The following TRIM33 variants were observed in gnomAD, a reference collection of about 807,000 sequenced individuals.
TRIM33 encodes E3 ubiquitin-protein ligase TRIM33.
In TRIM33, 20 loss-of-function variants were observed where a neutral mutation model predicts 125.4. The observed-to-expected ratio is 0.16, with a 90% CI of 0.11 to 0.23. The LOEUF is 0.23. Among genes scored for constraint, TRIM33 ranks in the 10% least tolerant of loss-of-function variants. The pLI, the probability that TRIM33 is intolerant of heterozygous loss-of-function variation, is 1.00. For synonymous variants in TRIM33, 564 were observed against 513.9 expected, an observed-to-expected ratio of 1.10 and a Z score of -1.32; for missense variants, 920 against 1,411.4, an observed-to-expected ratio of 0.65 and a Z score of 5.58.
intron 7 of TRIM33, among the ~76,000 whole-genome samples, 174 bp downstream of exon 7, chr1:114,427,574 T>A (rs1193496302): frequency 6.6e-6 from 1 of 152,172 alleles, no homozygotes; most frequent in African/African-American, 2.4e-5. Flanking sequence ...ATCAGATTAG[T>A]GGCTGCCTAG....
At chr1:114,414,037 A>AGG (rs1417870011) in intron 11 of TRIM33, among the ~76,000 whole-genome samples, 1 of 141,888 alleles carries the variant, frequency 7.0e-6, no homozygotes, top group African/African-American at 2.6e-5. Context: ...GCACACACAC[A>AGG]CACACACACA....
At chr1:114,400,997 G>A (rs1287679445) in intron 17 of TRIM33, among the ~76,000 whole-genome samples, 1 of 151,884 alleles carries the variant, frequency 6.6e-6, no homozygotes, top group African/African-American at 2.4e-5. Context: ...AGAAGGCTGA[G>A]GTGTAATACA....
intron 4 of TRIM33, among the ~76,000 whole-genome samples, chr1:114,441,877 G>A (rs904825508): frequency 2.0e-5 from 3 of 152,126 alleles, no homozygotes; most frequent in African/African-American, 7.2e-5. Context: ...ATTCTGCTGG[G>A]TAACTGACTC....
intron 4 of TRIM33, among the ~76,000 whole-genome samples, chr1:114,462,143 G>T (rs938135421): frequency 6.6e-6 from 1 of 152,034 alleles, no homozygotes; most frequent in Non-Finnish European, 1.5e-5. Context: ...ACTTAAAACC[G>T]TCATAATACT....
chr1:114,452,071 C>T (rs1433505613), intron 4 of TRIM33, among the ~76,000 whole-genome samples: 1 of 147,100 alleles, frequency 6.8e-6, no homozygotes, highest in Non-Finnish European at 1.5e-5. Context: ...AGGATCAGAA[C>T]ACTTCTAAAG....
chr1:114,480,476 TAAAAA>T lies in TRIM33; in HGVS notation c.527-16093_527-16089del, dbSNP rs61241613. On this transcript the variant is annotated intron_variant, in intron 1 of 19. Transcript: ENST00000358465. ...GAGAAACACCCAAGAATGATCAATTTAAAAAAAAAAAAAAAAAAAGAAGTGAAAAG... is the reference window on the plus strand; with the variant it reads ...GAGAAACACCCAAGAATGATCAATTTAAAAAAAAAAAAAAGAAGTGAAAAG... Among the ~76,000 whole-genome samples the T allele has an allele frequency of 9.0e-5, 7 of 77,872 alleles. No individual in the cohort carries two copies. In the East Asian group the frequency reaches 2.9e-3, roughly 33 times the overall value. 51.1% of individuals were successfully genotyped at this position (77,872 alleles called of 152,430 possible). A position where few individuals can be genotyped will look rare whatever the true frequency, so the allele number is the denominator to read the frequency against.
intron 11 of TRIM33, among the ~76,000 whole-genome samples, chr1:114,416,287 T>C (rs1201422713): frequency 6.6e-6 from 1 of 152,170 alleles, no homozygotes; most frequent in Non-Finnish European, 1.5e-5. Context: ...TAAAACTGAT[T>C]AATGAGATAC....
At chr1:114,398,936 A>AAAAAC (rs1347834522) in intron 18 of TRIM33, among the ~76,000 whole-genome samples, 17 of 151,026 alleles carry the variant, frequency 1.1e-4, no homozygotes, top group African/African-American at 4.1e-4. Flanking sequence ...CAAAACAAAA[A>AAAAAC]ACAAAAAACT....
In TRIM33 at chr1:114,405,505, A is replaced by G. The variant is rs114714476; in HGVS notation, c.2673T>C (p.Ala891=). The G allele has an allele frequency of 2.7e-5, 43 of 1,614,254 alleles. No individual in the cohort carries two copies. In the African/African-American group the frequency reaches 5.5e-4, roughly 21 times the overall value. The change falls in exon 15 of 20, where the codon GCT becomes GCC. Residue 891 remains alanine (A), a synonymous_variant. Transcript: ENST00000358465. The part of the protein sequence containing the change: ...KDDDPNEDWC[A]VCQNGGDLLC... ...AGAGATCTCCTCCGTTTTGGCAGAC[A>G]GCACACCAGTCTTCATTTGGGTCAT... is the stretch of plus-strand genomic sequence containing the variant.
At chr1:114,446,887 T>C (rs767826032) in intron 4 of TRIM33, among the ~76,000 whole-genome samples, 13 of 152,172 alleles carry the variant, frequency 8.5e-5, no homozygotes, top group Middle Eastern at 6.8e-3. Context: ...CAAGACCCCA[T>C]CTCTATAAAA....
intron 4 of TRIM33, among the ~76,000 whole-genome samples, chr1:114,448,953 A>G (rs1649154064): frequency 6.6e-6 from 1 of 152,180 alleles, no homozygotes; most frequent in African/African-American, 2.4e-5. Context: ...CAAAGACTAG[A>G]GTGTCTGAAG....
In TRIM33 at chr1:114,393,007, C is replaced by G. The variant is rs539718727; in HGVS notation, c.*4641G>C. On this transcript the variant is annotated 3_prime_UTR_variant, in exon 20 of 20. Transcript: ENST00000358465. ...GAACGAAACAATTAGAAACTGCAAC[C>G]TTGTTTTAAAAAATTAAATATGATT... 5 of 200,304 alleles carry G rather than the reference C, an allele frequency of 2.5e-5. No homozygotes were observed. Among genetic ancestry groups the G allele is most frequent in the African/African-American group, 1.1e-4 (5 of 43,614 alleles). The allele number at this position is 200,304 out of a possible 1,614,324, so 12.4% of individuals were successfully genotyped here.
rs985322403 is a variant in TRIM33, at chr1:114,511,127, T to TCGCCGCCGC, written c.-60_-52dup. The TCGCCGCCGC allele has an allele frequency of 8.1e-3, 8,855 of 1,099,290 alleles. 53 individuals are homozygous for TCGCCGCCGC. The highest frequency in any genetic ancestry group is 9.2e-3 in the Non-Finnish European group (8,299 of 906,990). The allele number at this position is 1,099,290 out of a possible 1,614,324, so 68.1% of individuals were successfully genotyped here. ...CGCCCCGCGCCGCCCGCCGCCCGCG[T>TCGCCGCCGC]CGCCGCCGCCGCCGCCCCCAGCCCC... On this transcript the variant is annotated 5_prime_UTR_variant, in exon 1 of 20. Transcript: ENST00000358465.
chr1:114,460,563 C>A (rs1649909366), intron 4 of TRIM33, among the ~76,000 whole-genome samples: 1 of 147,426 alleles, frequency 6.8e-6, no homozygotes, highest in African/African-American at 2.5e-5. Flanking sequence ...TGTTTAACAC[C>A]CCCCGCCACC....
chr1:114,491,900 C>T (rs573507318), intron 1 of TRIM33, among the ~76,000 whole-genome samples: 3 of 152,202 alleles, frequency 2.0e-5, no homozygotes, highest in Non-Finnish European at 2.9e-5. Context: ...TTACCTTACA[C>T]GTGTTTTCTC....
rs538833239 is a variant in TRIM33 at position 114,489,732 on chromosome 1, A to G, written c.526+20819T>C. Among the ~76,000 whole-genome samples the G allele has an allele frequency of 1.1e-4, 17 of 152,174 alleles. No individual in the cohort carries two copies. In the South Asian group the frequency reaches 3.5e-3, roughly 32 times the overall value. On this transcript the variant is annotated intron_variant, in intron 1 of 19. Transcript: ENST00000358465. ...TGCACTCCAGCCTGGGGAACAGAGCAAGACCCTGTCTCAAAAAATAAATAA... is the reference window on the plus strand; with the variant it reads ...TGCACTCCAGCCTGGGGAACAGAGCGAGACCCTGTCTCAAAAAATAAATAA...
At chr1:114,508,683 A>C (rs1257162971) in intron 1 of TRIM33, among the ~76,000 whole-genome samples, 1 of 152,010 alleles carries the variant, frequency 6.6e-6, no homozygotes, top group African/African-American at 2.4e-5. Context: ...CCAAACAAAA[A>C]ATGTGGAATT....
In TRIM33 at chr1:114,432,527, C is replaced by T. The variant is rs189790301; in HGVS notation, c.1040+1090G>A. Among the ~76,000 whole-genome samples, 30 of 152,276 alleles carry T rather than the reference C, an allele frequency of 2.0e-4. No individual in the cohort carries two copies. In the East Asian group the frequency reaches 5.2e-3, roughly 26 times the overall value. ...TCTGGCCGGGCACAGTGGCTCAGGC[C>T]TATAATCCCAGCACTTTGGGAGGCT... On this transcript the variant is annotated intron_variant, in intron 5 of 19. Coordinates refer to ENST00000358465, the MANE Select transcript of TRIM33 (RefSeq NM_015906.4).
chr1:114,424,206 T>C (rs1238936574), intron 10 of TRIM33, among the ~76,000 whole-genome samples: 1 of 152,162 alleles, frequency 6.6e-6, no homozygotes, highest in African/African-American at 2.4e-5. Flanking sequence ...AAGCCCTTTT[T>C]ATATATTAGG....
Sources: allele counts gnomAD v4.1 joint callset (sites outside exome capture counted in the v4.1 genomes callset), GRCh38; gene constraint gnomAD v4.1.1; transcripts MANE v1.5; gene names NCBI Gene and HGNC (gene_info 2026-07-23, HGNC 2026-07-21).